ZNF331: variants seen among roughly 807,000 people sequenced by gnomAD.
ZNF331 encodes the protein zinc finger protein 331.
ZNF331 carries 2 observed loss-of-function variants against 7.0 expected under a neutral mutation model. The observed-to-expected ratio is 0.29, with a 90% CI of 0.12 to 0.90. ZNF331 has a LOEUF of 0.90. Ranked by LOEUF, ZNF331 falls within the 40% of genes least tolerant of loss-of-function variation. The pLI, the probability that ZNF331 is intolerant of heterozygous loss-of-function variation, is 0.58. For synonymous variants in ZNF331, 196 were observed against 205.4 expected (o/e 0.95, Z 0.39); for missense variants, 432 against 587.7 (o/e 0.74, Z 2.74).
At chr19:53,568,449 T>C (rs2090269418) in intron 3 of ZNF331, among the ~76,000 whole-genome samples, 1 of 152,148 alleles carries the variant, frequency 6.6e-6, no homozygotes, top group Admixed American at 6.6e-5. Flanking sequence ...TAGACATGAT[T>C]GACTGGTTGG....
upstream of ZNF331, among the ~76,000 whole-genome samples, chr19:53,518,574 C>T (rs2086962957): frequency 6.6e-6 from 1 of 152,178 alleles, no homozygotes; most frequent in African/African-American, 2.4e-5. Context: ...GTAGTCAGAG[C>T]CATAGACACG....
chr19:53,556,160 G>T (rs963992252), intron 3 of ZNF331, among the ~76,000 whole-genome samples: 7 of 150,840 alleles, frequency 4.6e-5, no homozygotes, highest in African/African-American at 1.5e-4. Flanking sequence ...GGAGAATGGC[G>T]GGAACCCGGG....
intron 4 of ZNF331, among the ~76,000 whole-genome samples, chr19:53,569,903 G>A (rs1383894424): frequency 1.3e-5 from 2 of 152,066 alleles, no homozygotes; most frequent in African/African-American, 4.8e-5. Flanking sequence ...TTTTATTATT[G>A]AATGGATCTC....
chr19:53,517,356 C>A (rs2086927245), upstream of ZNF331, among the ~76,000 whole-genome samples: 1 of 152,014 alleles, frequency 6.6e-6, no homozygotes, highest in Non-Finnish European at 1.5e-5. Flanking sequence ...AGGACTGCAT[C>A]CAAGCAGATA....
intron 3 of ZNF331, among the ~76,000 whole-genome samples, chr19:53,568,065 A>G (rs1035472087): frequency 1.3e-5 from 2 of 152,060 alleles, no homozygotes. Flanking sequence ...CCTGGCCAAC[A>G]TGGTGAAACC....
chr19:53,552,094 A>G (rs1316187009), intron 2 of ZNF331, among the ~76,000 whole-genome samples: 10 of 152,202 alleles, frequency 6.6e-5, no homozygotes, highest in Admixed American at 6.5e-4. Flanking sequence ...CAAATCCAAG[A>G]TCAGTGAAAT....
intron 2 of ZNF331, among the ~76,000 whole-genome samples, chr19:53,522,897 A>G (rs780086622): frequency 1.8e-4 from 28 of 152,232 alleles, no homozygotes; most frequent in Non-Finnish European, 3.2e-4. Flanking sequence ...CTGATGGTAC[A>G]GAAGAGATTA....
chr19:53,515,494 TTTGG>T (rs770260523), upstream of ZNF331, among the ~76,000 whole-genome samples: 57 of 152,274 alleles, frequency 3.7e-4, no homozygotes, highest in Middle Eastern at 3.4e-3. Context: ...ACTGACTTTG[TTTGG>T]TTGGTTGTTT....
At chr19:53,575,337 G>A (rs768631425) in intron 5 of ZNF331, among the ~76,000 whole-genome samples, 6 of 151,934 alleles carry the variant, frequency 3.9e-5, no homozygotes, top group Admixed American at 1.3e-4. Flanking sequence ...AGATTTAAAC[G>A]TTTGCTGTTT....
intron 2 of ZNF331, among the ~76,000 whole-genome samples, chr19:53,548,102 C>A (rs2088740932): frequency 6.7e-6 from 1 of 148,690 alleles, no homozygotes; most frequent in Non-Finnish European, 1.5e-5. Flanking sequence ...GCTAATTTTT[C>A]TTTTCTTTTC....
chr19:53,563,604 C>G (rs1375426556), intron 3 of ZNF331, among the ~76,000 whole-genome samples: 1 of 151,628 alleles, frequency 6.6e-6, no homozygotes, highest in East Asian at 1.9e-4. Context: ...AAAAAAAAAG[C>G]AGACTTGATT....
intron 2 of ZNF331, among the ~76,000 whole-genome samples, chr19:53,546,577 T>C (rs2088633394): frequency 1.3e-5 from 2 of 151,264 alleles, no homozygotes; most frequent in African/African-American, 4.9e-5. Context: ...TAGAGGTTCA[T>C]GTTAGCGCGC....
chr19:53,548,242 G>A (rs535225310), intron 2 of ZNF331, among the ~76,000 whole-genome samples: 3 of 152,204 alleles, frequency 2.0e-5, no homozygotes, highest in African/African-American at 7.2e-5. Context: ...CGAGTAGCTG[G>A]GATTACAGGC....
At chr19:53,554,508 G>A (rs889216584) in intron 2 of ZNF331, 10 of 152,232 alleles carry the variant, frequency 6.6e-5, no homozygotes, top group Non-Finnish European at 1.2e-4. Flanking sequence ...CATGCGCGCT[G>A]GCCTCCATGG....
rs2090427706 is a variant in ZNF331 at position 53,571,139 on chromosome 19, C to T, written c.10-465C>T. ...CTCGTGATCCGCCTGCCTTGGCCTCCCAAAGTGTTGGGATTACAGGCGTGA... is the reference window on the plus strand; with the variant it reads ...CTCGTGATCCGCCTGCCTTGGCCTCTCAAAGTGTTGGGATTACAGGCGTGA... On this transcript the variant is annotated intron_variant, in intron 4 of 5. Transcript: ENST00000449416. The surrounding 1 kb of genome is among the most constrained non-coding windows in gnomAD (Gnocchi z 4.7). Among the ~76,000 whole-genome samples, 1 of 152,194 alleles carries T rather than the reference C, an allele frequency of 6.6e-6. No individual in the cohort carries two copies. The highest frequency in any genetic ancestry group is 6.5e-5 in the Admixed American group (1 of 15,270).
intron 1 of ZNF331, chr19:53,538,965 G>A (rs2087935089): frequency 6.6e-6 from 1 of 152,312 alleles, no homozygotes; most frequent in Non-Finnish European, 1.5e-5. Flanking sequence ...GACGCTTTCA[G>A]AGCCAGAAGT....
the ZNF331 span, among the ~76,000 whole-genome samples, chr19:53,508,271 G>C: frequency 6.6e-6 from 1 of 152,174 alleles, no homozygotes; most frequent in African/African-American, 2.4e-5. Context: ...GGCAGAATGA[G>C]TGCATTGGAC....
At chr19:53,506,208 G>T in the ZNF331 span, among the ~76,000 whole-genome samples, 1 of 134,582 alleles carries the variant, frequency 7.4e-6, no homozygotes, top group African/African-American at 2.9e-5. Context: ...GGTGGCGGGC[G>T]CCTGTAATCC....
intron 2 of ZNF331, among the ~76,000 whole-genome samples, chr19:53,528,427 G>A (rs73049567): frequency 0.082 from 12,525 of 152,206 alleles, 590 homozygotes; most frequent in Non-Finnish European, 0.11. Context: ...GCTAACTTAT[G>A]TAAAGTAATT....
Sources: allele counts gnomAD v4.1 joint callset (sites outside exome capture counted in the v4.1 genomes callset), GRCh38; gene constraint gnomAD v4.1.1; non-coding constraint Gnocchi (gnomAD v3.1); transcripts MANE v1.5; gene names NCBI Gene and HGNC (gene_info 2026-07-23, HGNC 2026-07-21).